PTPRD: variants seen among roughly 807,000 people sequenced by gnomAD.
PTPRD encodes protein tyrosine phosphatase receptor type D.
Under a neutral mutation model 214.5 loss-of-function variants are expected in PTPRD, and 34 were observed. The observed-to-expected ratio is 0.16, with a 90% CI of 0.12 to 0.21. PTPRD has a LOEUF of 0.21. Among genes scored for constraint, PTPRD ranks in the 10% least tolerant of loss-of-function variants. The probability of loss-of-function intolerance (pLI) is 1.00; values close to 1 mark genes in which losing one functional copy is unlikely to be tolerated. For synonymous variants in PTPRD, 1,128 were observed against 845.7 expected, an observed-to-expected ratio of 1.33 and a Z score of -5.79; for missense variants, 2,545 against 2,398.7, an observed-to-expected ratio of 1.06 and a Z score of -1.27.
chr9:9,403,290 C>CAAAAAAAAAAAAAAAAA (rs56105335), intron 8 of PTPRD, among the ~76,000 whole-genome samples: 5 of 60,656 alleles, frequency 8.2e-5, no homozygotes, highest in African/African-American at 2.2e-4. Flanking sequence ...TACTCTGTCT[C>CAAAAAAAAAAAAAAAAA]AAAAAAAAAA....
chr9:8,669,586 C>A lies in PTPRD; in HGVS notation c.65-32742G>T, dbSNP rs180796579. On this transcript the variant is annotated intron_variant, in intron 12 of 45. Transcript: ENST00000381196. ...AAATAGGCTGCTGTGCTATCCAAGT[C>A]ACCTCAAGGAGAAGTCGTGGAAACC... is the stretch of plus-strand genomic sequence containing the variant. Among the ~76,000 whole-genome samples the A allele has an allele frequency of 3.1e-3, 477 of 152,230 alleles. 4 individuals are homozygous for A. Among genetic ancestry groups the A allele is most frequent in the African/African-American group, 9.2e-3 (383 of 41,540 alleles).
rs185492402 is a variant in PTPRD, at chr9:10,600,400, G to T, written c.-600+11998C>A. Among the ~76,000 whole-genome samples, 1,222 of 151,758 alleles carry T rather than the reference G, an allele frequency of 8.1e-3. 20 individuals are homozygous for T. Among genetic ancestry groups the T allele is most frequent in the African/African-American group, 0.028 (1,141 of 41,438 alleles). On this transcript the variant is annotated intron_variant, in intron 2 of 45. Transcript: ENST00000381196. ...ACAATGCGTGCCACAAGCCCAGAAAGTACACCCAATTTCTTAAGATTGATG... is the reference window on the plus strand; with the variant it reads ...ACAATGCGTGCCACAAGCCCAGAAATTACACCCAATTTCTTAAGATTGATG...
chr9:10,497,227 T>C (rs1053528699), intron 2 of PTPRD, among the ~76,000 whole-genome samples: 2 of 151,992 alleles, frequency 1.3e-5, no homozygotes, highest in African/African-American at 4.8e-5. Flanking sequence ...ATGAGATCCA[T>C]ACCCCTAACT....
rs140048641 is a variant in PTPRD, at chr9:8,941,843, T to A, written c.-104+76854A>T. 3.5e-4 allele frequency among the ~76,000 whole-genome samples: 54 copies of A among 152,280 alleles called. No homozygotes were observed. The East Asian group carries it at 9.8e-3, about 28-fold the overall frequency. ...GTTTTGAGATGGAGTTACACTCTTT[T>A]TGCCTAGGCTGGAGTGCAATGGCAC... On this transcript the variant is annotated intron_variant, in intron 11 of 45. Transcript: ENST00000381196.
At chr9:8,352,814 T>A (rs1048227291) in intron 39 of PTPRD, among the ~76,000 whole-genome samples, 1 of 152,146 alleles carries the variant, frequency 6.6e-6, no homozygotes, top group Non-Finnish European at 1.5e-5. Context: ...TTTTTCTTTT[T>A]AAAAAATGCT....
At chr9:10,141,139 T>C (rs1057382112) in intron 3 of PTPRD, among the ~76,000 whole-genome samples, 4 of 152,064 alleles carry the variant, frequency 2.6e-5, no homozygotes, top group African/African-American at 4.8e-5. Flanking sequence ...CCACAGCCAA[T>C]ATCATACTGA....
intron 12 of PTPRD, chr9:8,701,232 T>G (rs1221052027): frequency 6.6e-6 from 1 of 152,198 alleles, no homozygotes; most frequent in African/African-American, 2.4e-5. Context: ...TCTTTTCCAT[T>G]GCTCTGGGGA....
chr9:10,478,345 G>A (rs1380144861), intron 2 of PTPRD, among the ~76,000 whole-genome samples: 1 of 152,046 alleles, frequency 6.6e-6, no homozygotes, highest in Non-Finnish European at 1.5e-5. Flanking sequence ...CTTACCATTT[G>A]CTATGTGATT....
At chr9:8,436,120 G>A (rs189645447) in intron 35 of PTPRD, among the ~76,000 whole-genome samples, 4 of 152,260 alleles carry the variant, frequency 2.6e-5, no homozygotes, top group Non-Finnish European at 1.5e-5. Flanking sequence ...AATACTGCAT[G>A]ATCTCATTTA....
intron 9 of PTPRD, among the ~76,000 whole-genome samples, chr9:9,186,163 C>T (rs758931363): frequency 7.9e-5 from 12 of 152,140 alleles, no homozygotes; most frequent in African/African-American, 1.2e-4. Context: ...GGATTTTCAG[C>T]AAGTAATTTG....
intron 20 of PTPRD, among the ~76,000 whole-genome samples, chr9:8,520,410 C>A (rs2097864264): frequency 6.6e-6 from 1 of 152,140 alleles, no homozygotes. Flanking sequence ...AGATCACCCC[C>A]TAGAATGGCA....
intron 2 of PTPRD, among the ~76,000 whole-genome samples, chr9:10,566,425 T>C (rs188219201): frequency 1.1e-4 from 17 of 152,146 alleles, no homozygotes; most frequent in Admixed American, 9.8e-4. Flanking sequence ...TAATATTTAG[T>C]ATTGTTAGAC....
intron 11 of PTPRD, among the ~76,000 whole-genome samples, chr9:8,781,426 A>G (rs941465189): frequency 1.3e-5 from 2 of 152,234 alleles, no homozygotes; most frequent in African/African-American, 4.8e-5. Context: ...AAGAAGAAAG[A>G]CACAGTCAGG....
At position 8,460,561 on chromosome 9, in the gene PTPRD, G is replaced by A. The variant is rs2134161097; in HGVS notation, c.3725C>T (p.Ala1242Val). ...CACGGGGTCGGAGTAAGGGCTGGTTGCATACATCTTCTGAGGAAAAGCAGA... is the reference window on the plus strand; with the variant it reads ...CACGGGGTCGGAGTAAGGGCTGGTTACATACATCTTCTGAGGAAAAGCAGA... ...VMEHAESKMY[A>V]TSPYSDPVVS... The change falls in exon 33 of 46, where the codon GCA becomes GTA. Residue 1242 changes from alanine (A) to valine (V), a missense_variant. Ala to Val is a moderately conservative substitution (Grantham distance 64). Coordinates refer to ENST00000381196, the MANE Select transcript of PTPRD (RefSeq NM_002839.4). 1 of 1,611,784 alleles carries A rather than the reference G, an allele frequency of 6.2e-7. No homozygotes were observed. The highest frequency in any genetic ancestry group is 1.1e-5 in the South Asian group (1 of 90,576).
chr9:9,873,313 C>T (rs1031567269), intron 5 of PTPRD, among the ~76,000 whole-genome samples: 1 of 152,104 alleles, frequency 6.6e-6, no homozygotes, highest in Non-Finnish European at 1.5e-5. Flanking sequence ...GGGTGGCTAA[C>T]CTGCACCTCT....
At chr9:10,000,696 C>T (rs542930478) in intron 4 of PTPRD, among the ~76,000 whole-genome samples, 3 of 152,166 alleles carry the variant, frequency 2.0e-5, no homozygotes, top group Admixed American at 6.5e-5. Flanking sequence ...AACAGAAAGG[C>T]GGTTTGGAAA....
chr9:8,466,710 A>G (rs906853880), intron 31 of PTPRD, among the ~76,000 whole-genome samples: 1 of 151,884 alleles, frequency 6.6e-6, no homozygotes, highest in Non-Finnish European at 1.5e-5. Flanking sequence ...ATATCTATGT[A>G]TTAATAGAAA....
intron 5 of PTPRD, among the ~76,000 whole-genome samples, chr9:9,889,175 CAGG>C (rs1233805704): frequency 6.6e-6 from 1 of 151,794 alleles, no homozygotes; most frequent in African/African-American, 2.4e-5. Flanking sequence ...AAATTTTAGA[CAGG>C]AGGAGAATTA....
chr9:10,083,777 A>T (rs767301642), intron 3 of PTPRD, among the ~76,000 whole-genome samples: 26 of 151,892 alleles, frequency 1.7e-4, no homozygotes, highest in Non-Finnish European at 3.2e-4. Flanking sequence ...GGAGCACGCG[A>T]CCTAGATCCC....
Sources: allele counts gnomAD v4.1 joint callset (sites outside exome capture counted in the v4.1 genomes callset), GRCh38; gene constraint gnomAD v4.1.1; transcripts MANE v1.5; gene names NCBI Gene and HGNC (gene_info 2026-07-23, HGNC 2026-07-21).